Variants in ZNF519 observed in about 807,000 individuals in gnomAD.
ZNF519 encodes the protein zinc finger protein 519.
A neutral mutation model predicts 7.4 loss-of-function variants in ZNF519; 7 were observed. The observed-to-expected ratio is 0.94, with a 90% CI of 0.54 to 1.77. The LOEUF is 1.77. ZNF519 is among the 40% of genes most tolerant of loss of function. The probability of loss-of-function intolerance (pLI) is 0.00; values close to 1 mark genes in which losing one functional copy is unlikely to be tolerated. For synonymous variants in ZNF519, 179 were observed against 203.3 expected (o/e 0.88, Z 1.02); for missense variants, 586 against 623.1 (o/e 0.94, Z 0.63).
intron 2 of ZNF519, among the ~76,000 whole-genome samples, chr18:14,123,668 A>T (rs1395084837): frequency 6.6e-6 from 1 of 152,166 alleles, no homozygotes; most frequent in African/African-American, 2.4e-5. Context: ...GTGAACCAAG[A>T]CTGTGCCACT....
chr18:14,114,769 T>C (rs1316025773), intron 2 of ZNF519, among the ~76,000 whole-genome samples: 2 of 152,128 alleles, frequency 1.3e-5, no homozygotes, highest in Non-Finnish European at 2.9e-5. Flanking sequence ...AGCAATTTAA[T>C]TGTATATTTT....
chr18:14,127,323 G>C (rs2046303958), intron 1 of ZNF519, among the ~76,000 whole-genome samples: 1 of 152,162 alleles, frequency 6.6e-6, no homozygotes, highest in Non-Finnish European at 1.5e-5. Context: ...AATGTCTTCT[G>C]TGAGTTTTCT....
At chr18:14,132,200 C>A (rs1410200355) in intron 1 of ZNF519, 75 bp downstream of exon 1, 24 of 1,569,088 alleles carry the variant, frequency 1.5e-5, no homozygotes, top group Non-Finnish European at 2.0e-5. Context: ...CAGACTAGGT[C>A]CCGTCACCGC....
rs767861128 is a variant in ZNF519 at position 14,124,370 on chromosome 18, T to C, written c.110A>G (p.Tyr37Cys). 8.0e-5 allele frequency: 129 copies of C among 1,608,776 alleles called. 1 individual carries two copies. Among genetic ancestry groups the C allele is most frequent in the Middle Eastern group, 1.6e-4 (1 of 6,062 alleles). The change falls in exon 2 of 3, where the codon TAC becomes TGC. Residue 37 changes from tyrosine to cysteine, a missense_variant. Tyr to Cys is a radical substitution (Grantham distance 194). Transcript: ENST00000590202. ...CTCACCCAGGGAGACGAGGTTTCTG[T>C]AGTTCTCCAACATCACATCTCTATA... ...NLYRDVMLEN[Y>C]RNLVSLAVYS...
chr18:14,118,250 G>T (rs1217613484), intron 2 of ZNF519, among the ~76,000 whole-genome samples: 2 of 151,852 alleles, frequency 1.3e-5, no homozygotes, highest in African/African-American at 4.8e-5. Context: ...AATAGAGCCG[G>T]GGTTTCACCA....
At chr18:14,120,222 TAGAG>T (rs1331097867) in intron 2 of ZNF519, among the ~76,000 whole-genome samples, 1 of 151,968 alleles carries the variant, frequency 6.6e-6, no homozygotes, top group Non-Finnish European at 1.5e-5. Flanking sequence ...TGGAACATAA[TAGAG>T]AGCCCAGAAG....
chr18:14,123,076 C>A, intron 2 of ZNF519: 1 of 183,966 alleles, frequency 5.4e-6, no homozygotes, highest in East Asian at 1.6e-4. Flanking sequence ...CCTTTGGTCC[C>A]CTTGCCTGTG....
chr18:14,075,622 C>T (rs2046044776), downstream of ZNF519: 1 of 152,122 alleles, frequency 6.6e-6, no homozygotes. Flanking sequence ...ATCTGTAGAC[C>T]TTAATGTGCA....
exon 5 of ZNF519, chr18:14,076,780 T>C (rs1174562200): frequency 1.3e-5 from 2 of 152,152 alleles, no homozygotes; most frequent in African/African-American, 2.4e-5. Flanking sequence ...TCTTGACCTT[T>C]TTTAAAAATA....
chr18:14,112,807 A>G (rs879384881), intron 2 of ZNF519, among the ~76,000 whole-genome samples: 12 of 152,206 alleles, frequency 7.9e-5, no homozygotes, highest in Non-Finnish European at 1.3e-4. Context: ...TTTTTTGTTC[A>G]TAAGAAAAAT....
chr18:14,117,249 A>T (rs148922592), intron 2 of ZNF519, among the ~76,000 whole-genome samples: 1 of 152,354 alleles, frequency 6.6e-6, no homozygotes, highest in African/African-American at 2.4e-5. Context: ...AACAAAGAGT[A>T]AGTAACATGA....
At chr18:14,094,927 TA>T (rs768362202) in intron 2 of ZNF519, among the ~76,000 whole-genome samples, 22 of 152,228 alleles carry the variant, frequency 1.4e-4, no homozygotes, top group Non-Finnish European at 2.8e-4. Context: ...CTTACTCTGA[TA>T]AATTTCTGAA....
intron 2 of ZNF519, among the ~76,000 whole-genome samples, chr18:14,086,929 T>TAACAAC (rs3062559): frequency 5.9e-5 from 9 of 151,804 alleles, no homozygotes; most frequent in East Asian, 1.9e-4. Context: ...GACAAGGACA[T>TAACAAC]AACAACAACA....
At chr18:14,084,527 G>A (rs1339325400) in intron 3 of ZNF519, among the ~76,000 whole-genome samples, 1 of 152,058 alleles carries the variant, frequency 6.6e-6, no homozygotes, top group Non-Finnish European at 1.5e-5. Flanking sequence ...GGGATGTGGC[G>A]GGACTGACCC....
At chr18:14,078,785 TA>T (rs148481752) in intron 3 of ZNF519, among the ~76,000 whole-genome samples, 2 of 151,920 alleles carry the variant, frequency 1.3e-5, no homozygotes, top group African/African-American at 4.8e-5. Context: ...ATCAAATTAA[TA>T]AAAAAAATCC....
intron 1 of ZNF519, 52 bp from the exon 2 acceptor site, chr18:14,124,528 A>G (rs766571591): frequency 8.8e-6 from 14 of 1,583,198 alleles, no homozygotes; most frequent in Non-Finnish European, 1.1e-5. Flanking sequence ...TAGAGATGAA[A>G]TGAGTTAAAA....
rs1305370345 is a variant in ZNF519 at position 14,105,575 on chromosome 18, C to G, written c.965G>C (p.Cys322Ser). The stretch of plus-strand genomic sequence containing the variant: ...GTTAAAAGCTTTGCCACATTCCTTA[C>G]ACTTGAAAGGCTTCTCTCCAGTATG... The part of the protein sequence containing the change: ...RIHTGEKPFK[C>S]KECGKAFNRG... Residue 322 changes from cysteine to serine, a missense_variant, in exon 3 of 3, where the codon TGT (cysteine) becomes TCT (serine). By Grantham distance (112) the Cys-to-Ser change is moderately radical. Transcript: ENST00000590202. 1 of 1,614,088 alleles carries G rather than the reference C, an allele frequency of 6.2e-7. No homozygotes were observed. The highest frequency in any genetic ancestry group is 8.5e-7 in the Non-Finnish European group (1 of 1,180,006).
intron 2 of ZNF519, among the ~76,000 whole-genome samples, chr18:14,107,695 C>T (rs557420114): frequency 2.2e-4 from 34 of 152,110 alleles, no homozygotes; most frequent in African/African-American, 7.2e-4. Context: ...AAAGGGACAC[C>T]ACTGACAAAA....
exon 5 of ZNF519, chr18:14,076,313 A>T (rs979264589): frequency 2.6e-5 from 4 of 152,188 alleles, no homozygotes; most frequent in Non-Finnish European, 5.9e-5. Flanking sequence ...AATATCACTT[A>T]TGATTCAGAG....
Sources: gnomAD v4.1 joint callset for allele counts (sites outside exome capture counted in the v4.1 genomes callset) on GRCh38, gnomAD v4.1.1 for gene constraint, MANE v1.5 for transcripts, NCBI Gene and HGNC (gene_info 2026-07-23, HGNC 2026-07-21) for gene names.